The following NEGR1 variants were observed in gnomAD, a reference collection of about 807,000 sequenced individuals.
NEGR1 encodes neuronal growth regulator 1.
In NEGR1, 10 loss-of-function variants were observed where a neutral mutation model predicts 40.9. The observed-to-expected ratio is 0.24, with a 90% CI of 0.15 to 0.42. The LOEUF (loss-of-function observed/expected upper bound fraction) is 0.42. NEGR1 is among the 10% of genes least tolerant of loss of function. The pLI is 1.00. For missense variants in NEGR1, 352 were observed against 438.9 expected, an observed-to-expected ratio of 0.80 and a Z score of 1.77; for synonymous variants, 185 against 166.8, an observed-to-expected ratio of 1.11 and a Z score of -0.84.
chr1:71,676,949 A>T (rs1570188457), intron 4 of NEGR1, among the ~76,000 whole-genome samples: 1 of 152,178 alleles, frequency 6.6e-6, no homozygotes, highest in African/African-American at 2.4e-5. Context: ...TGTAAGTTGC[A>T]GTTTAAAGCT....
At chr1:71,511,779 A>G (rs1196717173) in intron 6 of NEGR1, among the ~76,000 whole-genome samples, 4 of 152,202 alleles carry the variant, frequency 2.6e-5, no homozygotes, top group Non-Finnish European at 5.9e-5. Flanking sequence ...AGATTAGTTA[A>G]AGACACACAA....
At chr1:71,925,718 C>T (rs1273764634) in intron 2 of NEGR1, among the ~76,000 whole-genome samples, 2 of 123,118 alleles carry the variant, frequency 1.6e-5, no homozygotes, top group Admixed American at 8.6e-5. Flanking sequence ...TAATTATATA[C>T]ATGATTTGGG....
intron 6 of NEGR1, among the ~76,000 whole-genome samples, chr1:71,502,737 C>T (rs1452290906): frequency 2.6e-5 from 4 of 152,128 alleles, no homozygotes; most frequent in Non-Finnish European, 5.9e-5. Context: ...CAGGCAACCT[C>T]GTGCATGAGC....
intron 1 of NEGR1, among the ~76,000 whole-genome samples, 197 bp from the exon 2 acceptor site, chr1:71,935,508 GTT>G (rs1179531780): frequency 7.0e-6 from 1 of 142,650 alleles, no homozygotes; most frequent in African/African-American, 2.8e-5. Flanking sequence ...CTTGTGTACA[GTT>G]TTTTTAAGTG....
chr1:71,818,578 G>A (rs763144704), intron 2 of NEGR1, among the ~76,000 whole-genome samples: 7 of 151,864 alleles, frequency 4.6e-5, no homozygotes, highest in Non-Finnish European at 1.0e-4. Flanking sequence ...ACTACCTCTA[G>A]GTACCATGCT....
chr1:71,764,229 T>G (rs1656044746), intron 3 of NEGR1, among the ~76,000 whole-genome samples: 1 of 152,170 alleles, frequency 6.6e-6, no homozygotes. Flanking sequence ...ATATTCCTAG[T>G]AGAAGAAACA....
intron 1 of NEGR1, among the ~76,000 whole-genome samples, chr1:72,279,786 G>A (rs554785501): frequency 3.6e-4 from 55 of 152,180 alleles, no homozygotes; most frequent in African/African-American, 1.2e-3. Flanking sequence ...CTGTAGAGAA[G>A]AGTCAAGAAA....
intron 1 of NEGR1, among the ~76,000 whole-genome samples, chr1:72,179,061 A>G (rs1393880245): frequency 6.6e-6 from 1 of 151,824 alleles, no homozygotes; most frequent in East Asian, 1.9e-4. Context: ...TTTTGTCTTC[A>G]TCATGACGTC....
intron 1 of NEGR1, among the ~76,000 whole-genome samples, chr1:72,248,502 C>T (rs929816692): frequency 6.6e-6 from 1 of 151,538 alleles, no homozygotes; most frequent in Non-Finnish European, 1.5e-5. Context: ...AGGTGATCCA[C>T]CCATCTCAGC....
chr1:71,950,639 C>T (rs897505276), intron 1 of NEGR1, among the ~76,000 whole-genome samples: 3 of 151,936 alleles, frequency 2.0e-5, no homozygotes, highest in African/African-American at 7.2e-5. Context: ...TTTCACAGTG[C>T]ATTATTTTCA....
intron 1 of NEGR1, among the ~76,000 whole-genome samples, chr1:72,278,421 G>A (rs552321488): frequency 7.2e-5 from 11 of 152,186 alleles, no homozygotes; most frequent in South Asian, 2.1e-4. Context: ...CAGGCACTGG[G>A]AGAATGTAAA....
At chr1:71,554,814 G>T (rs1648203295) in intron 6 of NEGR1, among the ~76,000 whole-genome samples, 1 of 151,450 alleles carries the variant, frequency 6.6e-6, no homozygotes, top group African/African-American at 2.4e-5. Flanking sequence ...GGAATCCGAG[G>T]TGCCTTGCAG....
At chr1:71,504,103 GATAAAAAAATAAAATAAA>G (rs1647016164) in intron 6 of NEGR1, among the ~76,000 whole-genome samples, 1 of 149,844 alleles carries the variant, frequency 6.7e-6, no homozygotes, top group Non-Finnish European at 1.5e-5. Flanking sequence ...TCAGAAATTA[GATAAAAAAATAAAATAAA>G]ATAAAAAAAT....
chr1:72,207,171 CAAAAGTCAATATAT>C (rs1653436843), intron 1 of NEGR1, among the ~76,000 whole-genome samples: 1 of 143,404 alleles, frequency 7.0e-6, no homozygotes, highest in Non-Finnish European at 1.5e-5. Context: ...TAAAAAAAAA[CAAAAGTCAATATAT>C]ATGTACCTCA....
chr1:72,114,470 A>G (rs1649506706), intron 1 of NEGR1, among the ~76,000 whole-genome samples: 1 of 151,742 alleles, frequency 6.6e-6, no homozygotes, highest in Non-Finnish European at 1.5e-5. Context: ...ATAGATGATA[A>G]TGACAGATAG....
chr1:71,635,235 G>T (rs1229066139), intron 4 of NEGR1, among the ~76,000 whole-genome samples: 2 of 151,968 alleles, frequency 1.3e-5, no homozygotes, highest in African/African-American at 4.8e-5. Context: ...AATTATTACT[G>T]GTTCAAAACA....
intron 1 of NEGR1, among the ~76,000 whole-genome samples, chr1:71,964,447 G>A (rs140700453): frequency 6.6e-6 from 1 of 152,268 alleles, no homozygotes; most frequent in Non-Finnish European, 1.5e-5. Flanking sequence ...GCCATGCGTA[G>A]ATGACCTAAT....
rs144596251 is a variant in NEGR1 at position 71,877,088 on chromosome 1, G to A, written c.409+57991C>T. Among the ~76,000 whole-genome samples, 234 of 152,010 alleles carry A rather than the reference G, an allele frequency of 1.5e-3. 1 individual carries two copies. The East Asian group carries it at 0.02, about 13-fold the overall frequency. ...AGGAGGTAAAATGTGAGGGTTGCGA[G>A]TGGGAGCAAAGGATCAAAGAGCATT... On this transcript the variant is annotated intron_variant, in intron 2 of 6. Coordinates refer to ENST00000357731, the MANE Select transcript of NEGR1 (RefSeq NM_173808.3).
At chr1:72,148,793 C>A (rs1367017897) in intron 1 of NEGR1, among the ~76,000 whole-genome samples, 1 of 152,200 alleles carries the variant, frequency 6.6e-6, no homozygotes, top group Non-Finnish European at 1.5e-5. Context: ...CAACAAGTTC[C>A]TCAGCTCCAT....
Sources: gnomAD v4.1 joint callset for allele counts (sites outside exome capture counted in the v4.1 genomes callset) on GRCh38, gnomAD v4.1.1 for gene constraint, MANE v1.5 for transcripts, NCBI Gene and HGNC (gene_info 2026-07-23, HGNC 2026-07-21) for gene names.